The following AGAP1 variants were observed in gnomAD, a reference collection of about 807,000 sequenced individuals.
The protein encoded by AGAP1 is ArfGAP with GTPase domain, ankyrin repeat and PH domain 1, also known as arf-GAP with GTPase, ANK repeat and PH domain-containing protein 1.
AGAP1 carries 29 observed loss-of-function variants against 105.3 expected under a neutral mutation model. The observed-to-expected ratio is 0.28, with a 90% CI of 0.21 to 0.38. The LOEUF is 0.38. AGAP1 is among the 10% of genes least tolerant of loss of function. The pLI, the probability that AGAP1 is intolerant of heterozygous loss-of-function variation, is 1.00. For missense variants in AGAP1, 998 were observed against 1,165.1 expected (o/e 0.86, Z 2.09); for synonymous variants, 509 against 485.9 (o/e 1.05, Z -0.63).
Position 235,994,159 on chromosome 2 carries a change from T to C in AGAP1, c.1645+25536T>C, listed in dbSNP as rs1227533370. ...CTGTATTCCCCAAAGCTTCATAACA[T>C]GGTTCCATATGTGTCCTTTTTAAGA... On this transcript the variant is annotated intron_variant, in intron 13 of 17. Coordinates refer to ENST00000304032, the MANE Select transcript of AGAP1 (RefSeq NM_001037131.3). This position sits in a 1 kb window ranked among gnomAD's most constrained non-coding sequence, Gnocchi z 4.4. Among the ~76,000 whole-genome samples, 2 of 152,202 alleles carry C rather than the reference T, an allele frequency of 1.3e-5. No homozygotes were observed. Among genetic ancestry groups the C allele is most frequent in the Non-Finnish European group, 2.9e-5 (2 of 68,024 alleles).
At chr2:235,929,160 C>T (rs539424204) in intron 11 of AGAP1, among the ~76,000 whole-genome samples, 29 of 152,340 alleles carry the variant, frequency 1.9e-4, no homozygotes, top group South Asian at 1.4e-3. Context: ...CCCTTGGATG[C>T]CAGTGGTCTG....
At chr2:235,810,839 T>C (rs1369087834) in intron 9 of AGAP1, among the ~76,000 whole-genome samples, 1 of 150,214 alleles carries the variant, frequency 6.7e-6, no homozygotes, top group Admixed American at 6.6e-5. Flanking sequence ...GTTTCTTTTT[T>C]TTTTTTTTTT....
At chr2:235,575,478 G>A (rs1156673705) in intron 1 of AGAP1, among the ~76,000 whole-genome samples, 2 of 152,230 alleles carry the variant, frequency 1.3e-5, no homozygotes, top group Non-Finnish European at 2.9e-5. Context: ...AAGCTGAGCC[G>A]AGGAAACTGG....
intron 1 of AGAP1, among the ~76,000 whole-genome samples, chr2:235,653,675 CAATG>C (rs1388019776): frequency 2.6e-4 from 39 of 152,092 alleles, no homozygotes; most frequent in Admixed American, 2.6e-3. Flanking sequence ...GTTTAAAAAA[CAATG>C]TATGTTTCAC....
intron 1 of AGAP1, among the ~76,000 whole-genome samples, chr2:235,686,520 G>T (rs113172354): frequency 7.0e-6 from 1 of 143,654 alleles, no homozygotes; most frequent in Non-Finnish European, 1.5e-5. Flanking sequence ...GAAATTTGAC[G>T]TCCGAATTCT....
At position 236,023,741 on chromosome 2, in the gene AGAP1, G is replaced by A. The variant is rs75883528; in HGVS notation, c.1646-12820G>A. 1.9e-3 allele frequency among the ~76,000 whole-genome samples: 285 copies of A among 152,220 alleles called. 2 individuals are homozygous for A. The highest frequency in any genetic ancestry group is 6.5e-3 in the African/African-American group (268 of 41,530). On this transcript the variant is annotated intron_variant, in intron 13 of 17. Transcript: ENST00000304032. ...AGGCTGAGCATGTCATCTCTGCACC[G>A]TTGCGATATCCCATTTCATTTTCAT...
rs1376592010 is a variant in AGAP1, at chr2:235,747,085, A to G, written c.538+2246A>G. On this transcript the variant is annotated intron_variant, in intron 5 of 17. Coordinates refer to ENST00000304032, the MANE Select transcript of AGAP1 (RefSeq NM_001037131.3). The surrounding 1 kb of genome is among the most constrained non-coding windows in gnomAD (Gnocchi z 5.0). ...CCGTGGGTATGTGATAGGCATCTTA[A>G]CAATGGCTGCTTTTGTTCCTCATAT... is the stretch of plus-strand genomic sequence containing the variant. 6.6e-6 allele frequency among the ~76,000 whole-genome samples: 1 copy of G among 152,142 alleles called. No individual in the cohort carries two copies. The highest frequency in any genetic ancestry group is 1.5e-5 in the Non-Finnish European group (1 of 68,030).
chr2:236,060,319 A>C (rs751067301), intron 16 of AGAP1, among the ~76,000 whole-genome samples: 3 of 152,236 alleles, frequency 2.0e-5, no homozygotes, highest in Non-Finnish European at 4.4e-5. Flanking sequence ...AGTGTCAGAA[A>C]AGTAAAAATG....
intron 1 of AGAP1, among the ~76,000 whole-genome samples, chr2:235,647,782 A>T (rs1227607710): frequency 6.6e-6 from 1 of 152,106 alleles, no homozygotes; most frequent in Non-Finnish European, 1.5e-5. Flanking sequence ...GTCTAATTTC[A>T]TCCTGATTTT....
At chr2:235,696,959 G>A (rs929639203) in intron 1 of AGAP1, among the ~76,000 whole-genome samples, 1 of 151,938 alleles carries the variant, frequency 6.6e-6, no homozygotes, top group Non-Finnish European at 1.5e-5. Context: ...ACTCCAGCCT[G>A]GCGACAGAGC....
intron 1 of AGAP1, 95 bp downstream of exon 1, chr2:235,494,944 CG>C: frequency 8.0e-7 from 1 of 1,255,580 alleles, no homozygotes. Context: ...CCACACACGC[CG>C]GCCGGGGCAC....
At chr2:235,861,018 ATTGTTAC>A (rs2048907745) in intron 9 of AGAP1, among the ~76,000 whole-genome samples, 1 of 152,170 alleles carries the variant, frequency 6.6e-6, no homozygotes, top group Admixed American at 6.5e-5. Context: ...CAAGGAGACA[ATTGTTAC>A]TTGATGACTG....
chr2:235,792,810 G>C lies in AGAP1; in HGVS notation c.674-4949G>C, dbSNP rs778033225. 5.9e-5 allele frequency among the ~76,000 whole-genome samples: 9 copies of C among 152,264 alleles called. No individual in the cohort carries two copies. The highest frequency in any genetic ancestry group is 1.2e-4 in the Non-Finnish European group (8 of 68,010). On this transcript the variant is annotated intron_variant, in intron 6 of 17. Coordinates refer to ENST00000304032, the MANE Select transcript of AGAP1 (RefSeq NM_001037131.3). This position sits in a 1 kb window ranked among gnomAD's most constrained non-coding sequence, Gnocchi z 5.3. ...CAGATCCAAGGGGAGATGCCGAGTT[G>C]GTCATTGGCTACACAACTCTAGAAG... is the stretch of plus-strand genomic sequence containing the variant.
intron 12 of AGAP1, among the ~76,000 whole-genome samples, chr2:235,966,675 T>C (rs2054414657): frequency 6.6e-6 from 1 of 152,116 alleles, no homozygotes. Flanking sequence ...GTCTCAGGTG[T>C]CTCATGGTGT....
At chr2:235,911,309 C>T (rs1023669279) in intron 11 of AGAP1, among the ~76,000 whole-genome samples, 4 of 152,032 alleles carry the variant, frequency 2.6e-5, no homozygotes, top group African/African-American at 4.8e-5. Flanking sequence ...GCCACAGGCC[C>T]CAGGAGGGCT....
At chr2:235,585,584 CTT>C (rs1366647627) in intron 1 of AGAP1, among the ~76,000 whole-genome samples, 2 of 152,190 alleles carry the variant, frequency 1.3e-5, no homozygotes, top group Non-Finnish European at 2.9e-5. Context: ...TATTTTGTCT[CTT>C]TGAGTTCTAC....
At chr2:235,928,414 G>C (rs1248983638) in intron 11 of AGAP1, among the ~76,000 whole-genome samples, 1 of 152,194 alleles carries the variant, frequency 6.6e-6, no homozygotes, top group African/African-American at 2.4e-5. Flanking sequence ...CAAGGGCCAA[G>C]GAGAGAGGGG....
chr2:236,123,921 C>T lies in AGAP1; in HGVS notation c.2373C>T (p.Tyr791=), dbSNP rs779607719. ...NVVLAQLLIW[Y]GVDVTARDAH... is the part of the protein sequence containing the mutation. ...TGTGGGCTCCCTTACCTCCGCAGTA[C>T]GGAGTGGACGTCACGGCCCGAGATG... The change falls in exon 18 of 18, where the codon TAC becomes TAT. Residue 791 remains tyrosine, a splice_region_variant and synonymous_variant. Coordinates refer to ENST00000304032, the MANE Select transcript of AGAP1 (RefSeq NM_001037131.3). This position sits in a 1 kb window ranked among gnomAD's most constrained non-coding sequence, Gnocchi z 4.6. The T allele has an allele frequency of 8.1e-6, 13 of 1,612,752 alleles. No individual in the cohort carries two copies. The highest frequency in any genetic ancestry group is 4.4e-5 in the South Asian group (4 of 90,988).
At chr2:235,576,807 T>A (rs1408714343) in intron 1 of AGAP1, among the ~76,000 whole-genome samples, 1 of 152,214 alleles carries the variant, frequency 6.6e-6, no homozygotes, top group African/African-American at 2.4e-5. Flanking sequence ...TCAGACCCTC[T>A]TCCCGTGACT....
Sources: gnomAD v4.1 joint callset for allele counts (sites outside exome capture counted in the v4.1 genomes callset) on GRCh38, gnomAD v4.1.1 for gene constraint, Gnocchi (gnomAD v3.1) non-coding constraint, MANE v1.5 for transcripts, NCBI Gene and HGNC (gene_info 2026-07-23, HGNC 2026-07-21) for gene names.